The following PPA1 variants were observed in gnomAD, a reference collection of about 807,000 sequenced individuals.
PPA1 encodes the protein inorganic pyrophosphatase.
In PPA1, 23 loss-of-function variants were observed where a neutral mutation model predicts 41.8. The observed-to-expected ratio is 0.55, with a 90% CI of 0.40 to 0.78. The LOEUF is 0.78. Ranked by LOEUF, PPA1 falls within the 30% of genes least tolerant of loss-of-function variation. The pLI is 0.00. For synonymous variants in PPA1, 101 were observed against 116.8 expected, an observed-to-expected ratio of 0.86 and a Z score of 0.87; for missense variants, 320 against 361.6, an observed-to-expected ratio of 0.89 and a Z score of 0.93.
chr10:70,209,434 A>T, intron 7 of PPA1, 124 bp downstream of exon 7: 1 of 1,344,014 alleles, frequency 7.4e-7, no homozygotes. Flanking sequence ...TGAATAAATA[A>T]ACACCAAGAC....
At chr10:70,225,885 C>G (rs989273980) in intron 2 of PPA1, among the ~76,000 whole-genome samples, 2 of 152,100 alleles carry the variant, frequency 1.3e-5, no homozygotes, top group Non-Finnish European at 2.9e-5. Flanking sequence ...AGGATATACT[C>G]TAAGTTGTTA....
rs1284097135 is a variant in PPA1 at position 70,203,131 on chromosome 10, A to G, written c.*24T>C. 9.4e-6 allele frequency: 15 copies of G among 1,596,252 alleles called. No homozygotes were observed. Among genetic ancestry groups the G allele is most frequent in the African/African-American group, 4.0e-5 (3 of 74,508 alleles). ...CAGATGAACACGATGTAGCAATATC[A>G]GCTTGTATTCCAGAGAAATCTCATT... On this transcript the variant is annotated 3_prime_UTR_variant, in exon 11 of 11. Transcript: ENST00000373232.
rs1840294977 is a variant in PPA1 at position 70,232,083 on chromosome 10, G to C, written c.64+1181C>G. Among the ~76,000 whole-genome samples the C allele has an allele frequency of 2.0e-5, 3 of 152,176 alleles. No homozygotes were observed. The South Asian group carries it at 6.2e-4, about 31-fold the overall frequency. On this transcript the variant is annotated intron_variant, in intron 1 of 10. Coordinates refer to ENST00000373232, the MANE Select transcript of PPA1 (RefSeq NM_021129.4). ...CAAAATTAAATAAAATGGAGAGTGG[G>C]GGGTAGTTCTCACCCTTCCTGGATT...
At chr10:70,218,479 G>A in intron 3 of PPA1, 1 of 328,936 alleles carries the variant, frequency 3.0e-6, no homozygotes, top group Non-Finnish European at 5.6e-6. Context: ...GGAGGGGTCA[G>A]TGAAGGGCTT....
At chr10:70,218,010 T>G in intron 3 of PPA1, 79 bp from the exon 4 acceptor site, 3 of 1,249,338 alleles carry the variant, frequency 2.4e-6, no homozygotes, top group Non-Finnish European at 3.3e-6. Flanking sequence ...AAATGAATTA[T>G]GGTACCTATG....
At chr10:70,210,376 C>A in intron 6 of PPA1, 1 of 1,365,030 alleles carries the variant, frequency 7.3e-7, no homozygotes, top group Non-Finnish European at 9.8e-7. Context: ...TATCCCTGGT[C>A]CAGAGGCAGA....
intron 6 of PPA1, among the ~76,000 whole-genome samples, chr10:70,210,933 T>G (rs1341001585): frequency 1.3e-5 from 2 of 151,960 alleles, no homozygotes; most frequent in Non-Finnish European, 2.9e-5. Flanking sequence ...GCCTGGCTAA[T>G]TTTTTTGTAT....
rs547811435 is a variant in PPA1 at position 70,205,119 on chromosome 10, TC to T, written c.796-205del. 8.6e-5 allele frequency: 34 copies of T among 397,222 alleles called. No individual in the cohort carries two copies. The South Asian group carries it at 1.8e-3, about 21-fold the overall frequency. 24.6% of individuals were successfully genotyped at this position (397,222 alleles called of 1,614,324 possible). A position where few individuals can be genotyped will look rare whatever the true frequency, so the allele number is the denominator to read the frequency against. On this transcript the variant is annotated intron_variant, in intron 9 of 10. Coordinates refer to ENST00000373232, the MANE Select transcript of PPA1 (RefSeq NM_021129.4). Reference sequence around the variant, plus strand: ...CAAGCCTCTTGGACAGTGCAGTGGCTCATGCCCATAATCCCAACACTTCGGG... The same window carrying T: ...CAAGCCTCTTGGACAGTGCAGTGGCTATGCCCATAATCCCAACACTTCGGG...
chr10:70,220,188 C>T (rs1840121674), intron 2 of PPA1, among the ~76,000 whole-genome samples: 1 of 151,582 alleles, frequency 6.6e-6, no homozygotes, highest in Admixed American at 6.6e-5. Context: ...CCTCAGCCTC[C>T]CAAAGTGCTG....
chr10:70,208,771 G>A (rs7084518), intron 8 of PPA1, among the ~76,000 whole-genome samples: 109,906 of 150,614 alleles, frequency 0.73, 40,669 homozygotes, highest in Non-Finnish European at 0.79. Flanking sequence ...AATTATTTTT[G>A]TACATTGGCT....
intron 2 of PPA1, among the ~76,000 whole-genome samples, chr10:70,219,114 G>A (rs1382273511): frequency 1.3e-5 from 2 of 151,994 alleles, no homozygotes; most frequent in African/African-American, 4.8e-5. Context: ...TGTTGCCCAG[G>A]CTGGTCTCAA....
At position 70,220,517 on chromosome 10, in the gene PPA1, TTA is replaced by T. The variant is rs1432051305; in HGVS notation, c.124-1702_124-1701del. On this transcript the variant is annotated intron_variant, in intron 2 of 10. Coordinates refer to ENST00000373232, the MANE Select transcript of PPA1 (RefSeq NM_021129.4). Reference sequence around the variant, plus strand: ...TATTATATAATTTTATATATATAAATTATATATGTATTATATATAATTTTTAT... The same window carrying T: ...TATTATATAATTTTATATATATAAATTATATGTATTATATATAATTTTTAT... Among the ~76,000 whole-genome samples, 19 of 93,714 alleles carry T rather than the reference TTA, an allele frequency of 2.0e-4. 1 individual carries two copies. Among genetic ancestry groups the T allele is most frequent in the Non-Finnish European group, 3.1e-4 (16 of 50,818 alleles). The allele number at this position is 93,714 out of a possible 152,430, so 61.5% of individuals were successfully genotyped here.
chr10:70,214,667 T>C, intron 4 of PPA1, 81 bp from the exon 5 acceptor site: 3 of 1,112,456 alleles, frequency 2.7e-6, no homozygotes, highest in Non-Finnish European at 4.0e-6. Context: ...TAACATCCTA[T>C]GACTCTTCAG....
Position 70,206,245 on chromosome 10 carries a change from TA to T in PPA1, c.795+18del. On this transcript the variant is annotated intron_variant, in intron 9 of 10. Transcript: ENST00000373232. ...TTAGCAACCAGGCTTGTTTTTTTTTTAAGGAAACTTTTACATACAGCATCCA... is the reference window on the plus strand; with the variant it reads ...TTAGCAACCAGGCTTGTTTTTTTTTTAGGAAACTTTTACATACAGCATCCA... 2 of 1,589,090 alleles carry T rather than the reference TA, an allele frequency of 1.3e-6. No homozygotes were observed. The highest frequency in any genetic ancestry group is 1.4e-5 in the African/African-American group (1 of 73,982).
At chr10:70,205,032 CG>C (rs1839921983) in intron 9 of PPA1, 117 bp from the exon 10 acceptor site, 1 of 707,202 alleles carries the variant, frequency 1.4e-6, no homozygotes. Flanking sequence ...AGGATCTAAA[CG>C]TAATTTATAA....
intron 2 of PPA1, among the ~76,000 whole-genome samples, chr10:70,224,515 G>A (rs1840207594): frequency 6.6e-6 from 1 of 152,090 alleles, no homozygotes; most frequent in Non-Finnish European, 1.5e-5. Flanking sequence ...GTGAGGCCCC[G>A]TCTCATCTCC....
At chr10:70,212,395 T>C (rs532880697) in intron 6 of PPA1, among the ~76,000 whole-genome samples, 6 of 152,314 alleles carry the variant, frequency 3.9e-5, no homozygotes, top group African/African-American at 1.4e-4. Flanking sequence ...ACAGGAATGT[T>C]CATGGCAGCA....
rs1491509376 is a variant in PPA1, at chr10:70,220,774, TAA to T, written c.124-1959_124-1958del. ...ATAATATATATAATTTATATATATA[TAA>T]TATATATAATTTATATATATATAAT... On this transcript the variant is annotated intron_variant, in intron 2 of 10. Coordinates refer to ENST00000373232, the MANE Select transcript of PPA1 (RefSeq NM_021129.4). Among the ~76,000 whole-genome samples the T allele has an allele frequency of 7.0e-5, 2 of 28,764 alleles. 1 individual carries two copies. Among genetic ancestry groups the T allele is most frequent in the Non-Finnish European group, 1.1e-4 (2 of 18,650 alleles). 18.9% of individuals were successfully genotyped at this position (28,764 alleles called of 152,430 possible).
chr10:70,222,128 G>A (rs957963339), intron 2 of PPA1, among the ~76,000 whole-genome samples: 4 of 151,960 alleles, frequency 2.6e-5, no homozygotes, highest in African/African-American at 9.7e-5. Flanking sequence ...GAGGTCAGGA[G>A]ATCGAGACCA....
Sources: allele counts gnomAD v4.1 joint callset (sites outside exome capture counted in the v4.1 genomes callset), GRCh38; gene constraint gnomAD v4.1.1; transcripts MANE v1.5; gene names NCBI Gene and HGNC (gene_info 2026-07-23, HGNC 2026-07-21).